The following TGDS variants were observed in gnomAD, a reference collection of about 807,000 sequenced individuals.
The protein encoded by TGDS is UDP-D-glucose 4,6-dehydratase.
TGDS carries 47 observed loss-of-function variants against 52.3 expected under a neutral mutation model. The ratio of observed to expected loss-of-function variants is 0.90; its 90% CI spans 0.71 to 1.15. TGDS has a LOEUF of 1.15. Ranked by LOEUF, TGDS falls within the 50% of genes most tolerant of loss-of-function variation. TGDS has a pLI of 0.00. For missense variants in TGDS, 375 were observed against 418.4 expected, an observed-to-expected ratio of 0.90 and a Z score of 0.90; for synonymous variants, 115 against 136.9, an observed-to-expected ratio of 0.84 and a Z score of 1.12.
At chr13:94,596,029 G>T in intron 1 of TGDS, 22 bp downstream of exon 1, 1 of 1,613,714 alleles carries the variant, frequency 6.2e-7, no homozygotes, top group East Asian at 2.2e-5. Context: ...GCCACTGCTT[G>T]GCTAGCGGCG....
In TGDS at chr13:94,576,332, C is replaced by T. The variant is rs1173723601; in HGVS notation, c.964G>A (p.Glu322Lys). The T allele has an allele frequency of 1.9e-6, 3 of 1,599,176 alleles. No individual in the cohort carries two copies. In the South Asian group the frequency reaches 3.4e-5, roughly 18 times the overall value. The change falls in exon 11 of 12, where the codon GAA (glutamate) becomes AAA (lysine). Residue 322 changes from glutamate to lysine, a missense_variant. Coordinates refer to ENST00000261296, the MANE Select transcript of TGDS (RefSeq NM_014305.4). ...AACATACTTGTTTTCTTTATTCCTT[C>T]TTTCCAAGGCACTTTAGGTCTCCAT... is the stretch of plus-strand genomic sequence containing the variant. ...LGWRPKVPWKEGIKKTIEWYR... is the reference protein window; with the variant it reads ...LGWRPKVPWKKGIKKTIEWYR...
At chr13:94,593,734 G>A (rs1889282214) in intron 2 of TGDS, 107 bp downstream of exon 2, 6 of 840,050 alleles carry the variant, frequency 7.1e-6, no homozygotes. Flanking sequence ...TTGCTAAAAT[G>A]ACTAAATAAA....
rs1213848285 is a variant in TGDS, at chr13:94,577,997, A to G, written c.825+8T>C. On this transcript the variant is annotated splice_region_variant and intron_variant, in intron 9 of 11. Coordinates refer to ENST00000261296, the MANE Select transcript of TGDS (RefSeq NM_014305.4). Reference sequence around the variant, plus strand: ...TGAAAATACCAACCTTTTAAAACAGATACATACCAGTTGTATTAGTTCTTT... The same window carrying G: ...TGAAAATACCAACCTTTTAAAACAGGTACATACCAGTTGTATTAGTTCTTT... The G allele has an allele frequency of 6.2e-7, 1 of 1,612,676 alleles. No individual in the cohort carries two copies.
intron 11 of TGDS, 22 bp from the exon 12 acceptor site, chr13:94,574,874 CAAA>C (rs748047100): frequency 4.4e-5 from 43 of 980,096 alleles, no homozygotes; most frequent in South Asian, 1.5e-4. Flanking sequence ...AAACAAAAGA[CAAA>C]AAAAAAAAAG....
At chr13:94,589,546 C>T (rs2139538831) in intron 4 of TGDS, among the ~76,000 whole-genome samples, 1 of 152,176 alleles carries the variant, frequency 6.6e-6, no homozygotes, top group South Asian at 2.1e-4. Context: ...GATTTCCTGA[C>T]CTCGTGATCC....
Position 94,579,920 on chromosome 13 carries a change from A to G in TGDS, c.589T>C (p.Tyr197His). The G allele has an allele frequency of 6.2e-7, 1 of 1,604,172 alleles. No individual in the cohort carries two copies. Among genetic ancestry groups the G allele is most frequent in the Non-Finnish European group, 8.5e-7 (1 of 1,173,656 alleles). Residue 197 changes from tyrosine to histidine, a missense_variant, in exon 7 of 12, where the codon TAT (tyrosine) becomes CAT (histidine). Physicochemically the swap from Tyr to His is moderately conservative, Grantham distance 83 (BLOSUM62 2). Transcript: ENST00000261296. ...PVVITRSSNVYGPHQYPEKVI... is the reference protein window; with the variant it reads ...PVVITRSSNVHGPHQYPEKVI... The stretch of plus-strand genomic sequence containing the variant: ...TTTTCTGGATATTGATGTGGTCCAT[A>G]AACATTACTGCTTCTTGTGATGACA...
Position 94,593,913 on chromosome 13 carries a change from G to GA in TGDS, c.87-7dup. 1.3e-6 allele frequency: 2 copies of GA among 1,535,592 alleles called. No homozygotes were observed. Among genetic ancestry groups the GA allele is most frequent in the South Asian group, 2.5e-5 (2 of 81,564 alleles). ...AGACAATCATATGTGATGCACTATG[G>GA]AAAAAAAGTATATCTTGTTAGTGAA... On this transcript the variant is annotated splice_region_variant and splice_polypyrimidine_tract_variant and intron_variant, in intron 1 of 11. Transcript: ENST00000261296.
intron 2 of TGDS, 57 bp downstream of exon 2, chr13:94,593,784 G>C (rs1889283813): frequency 4.0e-6 from 5 of 1,243,036 alleles, no homozygotes; most frequent in Non-Finnish European, 5.8e-6. Context: ...AGTACTTTTA[G>C]AAAACATAAA....
Position 94,578,902 on chromosome 13 carries a change from T to C in TGDS, c.616-129A>G, listed in dbSNP as rs145231016. 3.3e-3 allele frequency: 1,743 copies of C among 532,322 alleles called. 15 individuals carry two copies. The highest frequency in any genetic ancestry group is 0.012 in the Middle Eastern group (22 of 1,848). The allele number at this position is 532,322 out of a possible 1,614,324, so 33.0% of individuals were successfully genotyped here. On this transcript the variant is annotated intron_variant, in intron 7 of 11. Transcript: ENST00000261296. ...TTGCTTCTAATTATTTTTATCAGTT[T>C]ATTAAAAAACCTACTATAGTATTTG...
At chr13:94,581,969 G>A (rs9590037) in intron 5 of TGDS, among the ~76,000 whole-genome samples, 101,021 of 151,952 alleles carry the variant, frequency 0.66, 33,811 homozygotes, top group Middle Eastern at 0.73. Context: ...GGAGGCCGAG[G>A]CAGGCGGATC....
chr13:94,577,101 C>CA (rs34410018), intron 10 of TGDS, among the ~76,000 whole-genome samples: 4,499 of 103,426 alleles, frequency 0.043, 235 homozygotes, highest in African/African-American at 0.14. Flanking sequence ...ATTCTGTCTC[C>CA]AAAAAAAAAA....
chr13:94,579,326 T>TTGA (rs1888710068), intron 7 of TGDS: 1 of 152,580 alleles, frequency 6.6e-6, no homozygotes, highest in East Asian at 1.9e-4. Context: ...AAAATCAGGC[T>TTGA]TGATGATATA....
intron 1 of TGDS, among the ~76,000 whole-genome samples, 191 bp from the exon 2 acceptor site, chr13:94,594,098 T>C (rs766996373): frequency 2.0e-5 from 3 of 152,232 alleles, no homozygotes; most frequent in East Asian, 1.9e-4. Flanking sequence ...ACAGTATCTA[T>C]AAACAAAAGT....
chr13:94,574,730 G>A lies in TGDS; in HGVS notation c.*52C>T, dbSNP rs529815030. ...GTCACTTAATTTCATACCACTTGGC[G>A]AGGTAGGATAACTTTCTTCTTTGAC... On this transcript the variant is annotated 3_prime_UTR_variant, in exon 12 of 12. Transcript: ENST00000261296. 6.4e-5 allele frequency: 72 copies of A among 1,116,526 alleles called. No homozygotes were observed. In the Admixed American group the frequency reaches 7.1e-4, roughly 11 times the overall value. The allele number at this position is 1,116,526 out of a possible 1,614,324, so 69.2% of individuals were successfully genotyped here. A position where few individuals can be genotyped will look rare whatever the true frequency, so the allele number is the denominator to read the frequency against.
chr13:94,596,254 A>G (rs962192106), upstream of TGDS: 25 of 1,170,830 alleles, frequency 2.1e-5, no homozygotes, highest in African/African-American at 3.7e-4. Context: ...GAGCAGCCAG[A>G]GGCAGCTTCC....
intron 4 of TGDS, among the ~76,000 whole-genome samples, chr13:94,588,198 TG>T: frequency 6.7e-6 from 1 of 150,060 alleles, no homozygotes; most frequent in Admixed American, 6.6e-5. Flanking sequence ...CTGAGGAGGG[TG>T]GCTCGTCTGA....
At chr13:94,593,797 G>T in intron 2 of TGDS, 44 bp downstream of exon 2, 1 of 1,272,146 alleles carries the variant, frequency 7.9e-7, no homozygotes, top group Non-Finnish European at 1.1e-6. Context: ...AACATAAATT[G>T]AAATGTAATT....
At chr13:94,582,174 G>A (rs1044907402) in intron 5 of TGDS, among the ~76,000 whole-genome samples, 2 of 151,226 alleles carry the variant, frequency 1.3e-5, no homozygotes, top group Non-Finnish European at 2.9e-5. Flanking sequence ...CTCCAGGCTG[G>A]GCAATAAGAG....
rs1888530839 is a variant in TGDS at position 94,574,608 on chromosome 13, G to A, written c.*174C>T. On this transcript the variant is annotated 3_prime_UTR_variant, in exon 12 of 12. Coordinates refer to ENST00000261296, the MANE Select transcript of TGDS (RefSeq NM_014305.4). ...ATTTTGACATTTAAATTCTATGCCA[G>A]TACTGAAACTCTCCCAAAGATTGAG... 1.8e-6 allele frequency: 1 copy of A among 545,356 alleles called. No homozygotes were observed. The highest frequency in any genetic ancestry group is 3.6e-5 in the Admixed American group (1 of 28,152). 33.8% of individuals were successfully genotyped at this position (545,356 alleles called of 1,614,324 possible). A position where few individuals can be genotyped will look rare whatever the true frequency, so the allele number is the denominator to read the frequency against.
Sources: gnomAD v4.1 joint callset for allele counts (sites outside exome capture counted in the v4.1 genomes callset) on GRCh38, gnomAD v4.1.1 for gene constraint, MANE v1.5 for transcripts, NCBI Gene and HGNC (gene_info 2026-07-23, HGNC 2026-07-21) for gene names.